The following ZNF462 variants were observed in gnomAD, a reference collection of about 807,000 sequenced individuals.
ZNF462 encodes zinc finger PBX1-interacting protein.
In ZNF462, 10 loss-of-function variants were observed where a neutral mutation model predicts 201.9. That is an observed-to-expected ratio of 0.05 (90% CI 0.03 to 0.08). ZNF462 has a LOEUF of 0.08. Among genes scored for constraint, ZNF462 ranks in the 10% least tolerant of loss-of-function variants. The probability of loss-of-function intolerance (pLI) is 1.00; values close to 1 mark genes in which losing one functional copy is unlikely to be tolerated. For missense variants in ZNF462, 2,523 were observed against 3,168.3 expected, an observed-to-expected ratio of 0.80 and a Z score of 4.89; for synonymous variants, 1,227 against 1,193.3, an observed-to-expected ratio of 1.03 and a Z score of -0.58.
rs1832183568 is a variant in ZNF462 at position 106,968,524 on chromosome 9, A to T, written c.6428-3481A>T. ...TCAGAGAATAAAACTCTTTTCTCAG[A>T]CTGTATGTGTCAGGGTTGGTTGGTT... On this transcript the variant is annotated intron_variant, in intron 7 of 12. Transcript: ENST00000277225. This position sits in a 1 kb window ranked among gnomAD's most constrained non-coding sequence, Gnocchi z 4.0. 6.6e-6 allele frequency among the ~76,000 whole-genome samples: 1 copy of T among 151,578 alleles called. No homozygotes were observed. The highest frequency in any genetic ancestry group is 2.4e-5 in the African/African-American group (1 of 40,938).
At chr9:106,976,446 A>C (rs1827009368) in intron 9 of ZNF462, 1 of 152,242 alleles carries the variant, frequency 6.6e-6, no homozygotes, top group African/African-American at 2.4e-5. Flanking sequence ...CGTAGTGCAT[A>C]TTGTGCCCAT....
At chr9:106,893,539 A>G (rs1025954494) in intron 1 of ZNF462, among the ~76,000 whole-genome samples, 1 of 152,336 alleles carries the variant, frequency 6.6e-6, no homozygotes, top group Middle Eastern at 3.4e-3. Flanking sequence ...TGTAAACAGT[A>G]CTATCATAAT....
chr9:106,916,006 C>G (rs1829757346), intron 1 of ZNF462, among the ~76,000 whole-genome samples: 1 of 152,146 alleles, frequency 6.6e-6, no homozygotes, highest in African/African-American at 2.4e-5. Flanking sequence ...ATTTTTTGAG[C>G]AAATGATGAG....
At position 106,919,070 on chromosome 9, in the gene ZNF462, G is replaced by C. The variant is rs1022767240; in HGVS notation, c.-30-4284G>C. On this transcript the variant is annotated intron_variant, in intron 1 of 12. Coordinates refer to ENST00000277225, the MANE Select transcript of ZNF462 (RefSeq NM_021224.6). This position sits in a 1 kb window ranked among gnomAD's most constrained non-coding sequence, Gnocchi z 4.5. ...AATCACATGGCTGTGGTGCTTCACA[G>C]CTTTATTTCTGGGCTGCAGTCCTTC... Among the ~76,000 whole-genome samples the C allele has an allele frequency of 2.0e-5, 3 of 152,252 alleles. No individual in the cohort carries two copies. Among genetic ancestry groups the C allele is most frequent in the Non-Finnish European group, 4.4e-5 (3 of 68,050 alleles).
upstream of ZNF462, among the ~76,000 whole-genome samples, chr9:106,861,490 C>T (rs563826470): frequency 9.2e-5 from 14 of 152,314 alleles, no homozygotes; most frequent in South Asian, 2.1e-4. Flanking sequence ...CAGCAACATC[C>T]CCAATTCAGA....
chr9:106,898,505 C>A (rs1455251466), intron 1 of ZNF462, among the ~76,000 whole-genome samples: 1 of 152,108 alleles, frequency 6.6e-6, no homozygotes, highest in Non-Finnish European at 1.5e-5. Flanking sequence ...AGGGAAGATG[C>A]TACCAGCATC....
chr9:106,866,630 A>G (rs1827343645), intron 1 of ZNF462, among the ~76,000 whole-genome samples: 1 of 152,208 alleles, frequency 6.6e-6, no homozygotes, highest in Non-Finnish European at 1.5e-5. Context: ...CACTTAAAAA[A>G]AATCCTACTT....
At chr9:106,874,735 G>A (rs1195270089) in intron 1 of ZNF462, among the ~76,000 whole-genome samples, 1 of 152,160 alleles carries the variant, frequency 6.6e-6, no homozygotes, top group Non-Finnish European at 1.5e-5. Flanking sequence ...CCGTGGCTTT[G>A]CCTCCAATTA....
Position 106,970,504 on chromosome 9 carries a change from C to A in ZNF462, c.6428-1501C>A, listed in dbSNP as rs936247253. On this transcript the variant is annotated intron_variant, in intron 7 of 12. Coordinates refer to ENST00000277225, the MANE Select transcript of ZNF462 (RefSeq NM_021224.6). This position sits in a 1 kb window ranked among gnomAD's most constrained non-coding sequence, Gnocchi z 4.2. ...TGGGTTTTAGAGAATTCCTCCATGT[C>A]CTGCCTTAGGGAATTATGCTTTGGA... Among the ~76,000 whole-genome samples, 6 of 152,138 alleles carry A rather than the reference C, an allele frequency of 3.9e-5. No individual in the cohort carries two copies. The highest frequency in any genetic ancestry group is 1.3e-4 in the Admixed American group (2 of 15,280).
At chr9:106,875,120 G>A (rs1827771607) in intron 1 of ZNF462, among the ~76,000 whole-genome samples, 2 of 152,064 alleles carry the variant, frequency 1.3e-5, no homozygotes, top group Non-Finnish European at 1.5e-5. Flanking sequence ...GCTTCTCAAC[G>A]GTAAATATCT....
chr9:107,009,494 T>C lies in ZNF462; in HGVS notation c.7190-51T>C, dbSNP rs774169755. On this transcript the variant is annotated intron_variant, in intron 11 of 12. Coordinates refer to ENST00000277225, the MANE Select transcript of ZNF462 (RefSeq NM_021224.6). This position sits in a 1 kb window ranked among gnomAD's most constrained non-coding sequence, Gnocchi z 6.1. ...ATCCTAATGAATGCTGACTTACCTA[T>C]TCTGCTGATTCCCACAGCACACAGG... The C allele has an allele frequency of 1.2e-6, 2 of 1,610,328 alleles. No homozygotes were observed. The highest frequency in any genetic ancestry group is 2.7e-5 in the African/African-American group (2 of 74,890).
intron 1 of ZNF462, among the ~76,000 whole-genome samples, chr9:106,868,511 A>G (rs895546130): frequency 2.6e-5 from 4 of 152,240 alleles, no homozygotes; most frequent in Non-Finnish European, 5.9e-5. Context: ...TACCAAAATT[A>G]TTTTAAAAGT....
chr9:106,916,570 G>C lies in ZNF462; in HGVS notation c.-30-6784G>C, dbSNP rs573719022. 2.3e-3 allele frequency among the ~76,000 whole-genome samples: 349 copies of C among 151,690 alleles called. 4 individuals are homozygous for C. Among genetic ancestry groups the C allele is most frequent in the African/African-American group, 7.9e-3 (325 of 41,382 alleles). On this transcript the variant is annotated intron_variant, in intron 1 of 12. Transcript: ENST00000277225. ...TGCTGTTTGGGCGAGGTTTAGCTCT[G>C]GGGGGGGAGAAATCAGTTATCTGTT...
chr9:106,925,969 A>G lies in ZNF462; in HGVS notation c.2057A>G (p.Asp686Gly). The change falls in exon 3 of 13, where the codon GAT (aspartate) becomes GGT (glycine). Residue 686 changes from aspartate to glycine, a missense_variant. Asp to Gly is a moderately conservative substitution (Grantham distance 94). This residue lies in a region of ZNF462 where 383 missense variants were observed against 453.4 expected (regional missense o/e 0.84). Transcript: ENST00000277225. This position sits in a 1 kb window ranked among gnomAD's most constrained non-coding sequence, Gnocchi z 7.9. ...AAGCTCGCCAATGACTTTCCTCTAG[A>G]TTTGTCACCCGTGAAGAAGAGAACC... Reference protein sequence around the residue: ...SRKLANDFPLDLSPVKKRTRI... With the variant: ...SRKLANDFPLGLSPVKKRTRI... 1 of 1,614,172 alleles carries G rather than the reference A, an allele frequency of 6.2e-7. No homozygotes were observed. The highest frequency in any genetic ancestry group is 8.5e-7 in the Non-Finnish European group (1 of 1,180,032).
In ZNF462 at chr9:107,012,254, T is replaced by C. The variant is rs574894045; in HGVS notation, c.*1224T>C. 1 of 151,660 alleles carries C rather than the reference T, an allele frequency of 6.6e-6. No individual in the cohort carries two copies. The highest frequency in any genetic ancestry group is 1.5e-5 in the Non-Finnish European group (1 of 67,918). 9.4% of individuals were successfully genotyped at this position (151,660 alleles called of 1,614,324 possible). A position where few individuals can be genotyped will look rare whatever the true frequency, so the allele number is the denominator to read the frequency against. ...TATCCGTCTCATAAATAATTTCTGT[T>C]AGGATTGGCTGGCTTTTGTGTGTGA... On this transcript the variant is annotated 3_prime_UTR_variant, in exon 13 of 13. Coordinates refer to ENST00000277225, the MANE Select transcript of ZNF462 (RefSeq NM_021224.6).
At chr9:106,995,921 T>G (rs1828688364) in intron 10 of ZNF462, among the ~76,000 whole-genome samples, 1 of 152,182 alleles carries the variant, frequency 6.6e-6, no homozygotes, top group Non-Finnish European at 1.5e-5. Context: ...ACCCATTAAC[T>G]CGTCATTTAC....
rs1047461766 is a variant in ZNF462, at chr9:106,895,171, T to C, written c.-30-28183T>C. On this transcript the variant is annotated intron_variant, in intron 1 of 12. Transcript: ENST00000277225. The surrounding 1 kb of genome is among the most constrained non-coding windows in gnomAD (Gnocchi z 4.4). The stretch of plus-strand genomic sequence containing the variant: ...CTTTATTGGCACTGTTCTTTTAAAA[T>C]TCAGTTAAAAGTATCATTTTCCATT... 6.6e-6 allele frequency among the ~76,000 whole-genome samples: 1 copy of C among 152,212 alleles called. No individual in the cohort carries two copies. Among genetic ancestry groups the C allele is most frequent in the African/African-American group, 2.4e-5 (1 of 41,460 alleles).
At chr9:106,967,108 TA>T (rs1832109430) in intron 7 of ZNF462, among the ~76,000 whole-genome samples, 1 of 152,160 alleles carries the variant, frequency 6.6e-6, no homozygotes. Context: ...ACTCTCCTGT[TA>T]CTGTTCATTT....
intron 7 of ZNF462, among the ~76,000 whole-genome samples, chr9:106,952,280 A>T (rs1391542680): frequency 6.6e-6 from 1 of 152,216 alleles, no homozygotes; most frequent in African/African-American, 2.4e-5. Flanking sequence ...TGCCGACTTT[A>T]TGGGGTTATT....
Sources: allele counts gnomAD v4.1 joint callset (sites outside exome capture counted in the v4.1 genomes callset), GRCh38; gene constraint gnomAD v4.1.1; regional missense constraint gnomAD v4.1.1; non-coding constraint Gnocchi (gnomAD v3.1); transcripts MANE v1.5; gene names NCBI Gene and HGNC (gene_info 2026-07-23, HGNC 2026-07-21).